Variants in CRTAC1 observed in about 807,000 individuals in gnomAD.
CRTAC1 encodes the protein cartilage acidic protein 1, also known as acidic secreted protein in cartilage.
Under a neutral mutation model 67.8 loss-of-function variants are expected in CRTAC1, and 37 were observed. That is an observed-to-expected ratio of 0.55 (90% CI 0.42 to 0.72). CRTAC1 has a LOEUF of 0.72. CRTAC1 is among the 30% of genes least tolerant of loss of function. The probability of loss-of-function intolerance (pLI) is 0.00; values close to 1 mark genes in which losing one functional copy is unlikely to be tolerated. For synonymous variants in CRTAC1, 348 were observed against 371.0 expected, an observed-to-expected ratio of 0.94 and a Z score of 0.71; for missense variants, 780 against 931.6, an observed-to-expected ratio of 0.84 and a Z score of 2.12.
At chr10:97,912,886 C>G (rs116837194) in intron 5 of CRTAC1, among the ~76,000 whole-genome samples, 114 of 152,306 alleles carry the variant, frequency 7.5e-4, no homozygotes, top group African/African-American at 2.7e-3. Context: ...AGGGTGGACA[C>G]AGGATAAGCA....
chr10:97,896,691 G>A (rs934702374), intron 9 of CRTAC1, among the ~76,000 whole-genome samples: 5 of 152,168 alleles, frequency 3.3e-5, no homozygotes, highest in East Asian at 1.9e-4. Flanking sequence ...GCCTGGGATT[G>A]GGGGAGTGGA....
Position 98,030,589 on chromosome 10 carries a change from C to G in CRTAC1, c.-117G>C, listed in dbSNP as rs1245368197. ...CCCCGGTCCCGGGCTGGCCTCGAGC[C>G]TCCCGCCCCGACGCCGCGCGCTCGC... On this transcript the variant is annotated 5_prime_UTR_variant, in exon 1 of 15. Coordinates refer to ENST00000370597, the MANE Select transcript of CRTAC1 (RefSeq NM_018058.7). The surrounding 1 kb of genome is among the most constrained non-coding windows in gnomAD (Gnocchi z 4.2). The G allele has an allele frequency of 1.6e-6, 1 of 633,778 alleles. No individual in the cohort carries two copies. Among genetic ancestry groups the G allele is most frequent in the Non-Finnish European group, 2.3e-6 (1 of 442,326 alleles). The allele number at this position is 633,778 out of a possible 1,614,324, so 39.3% of individuals were successfully genotyped here.
At chr10:97,892,258 T>C (rs1397707687) in intron 11 of CRTAC1, among the ~76,000 whole-genome samples, 2 of 152,180 alleles carry the variant, frequency 1.3e-5, no homozygotes, top group Non-Finnish European at 2.9e-5. Flanking sequence ...AATACACCTC[T>C]TAAAATAGCA....
chr10:97,900,761 AGCCCGTAG>A (rs1278427695), intron 8 of CRTAC1, among the ~76,000 whole-genome samples: 66 of 113,654 alleles, frequency 5.8e-4, no homozygotes, highest in Non-Finnish European at 7.9e-4. Context: ...TAGTGATTGG[AGCCCGTAG>A]CCCCTTTTCC....
intron 2 of CRTAC1, among the ~76,000 whole-genome samples, chr10:97,957,437 A>T (rs1333606288): frequency 6.6e-6 from 1 of 152,192 alleles, no homozygotes; most frequent in Non-Finnish European, 1.5e-5. Context: ...AGCCATGTGC[A>T]CTGTAGCTGA....
At position 97,931,289 on chromosome 10, in the gene CRTAC1, A is replaced by G. The variant is rs987397854; in HGVS notation, c.421+4881T>C. On this transcript the variant is annotated intron_variant, in intron 3 of 14. Transcript: ENST00000370597. ...TAGGAAGGACAATCTGGCAGTGGCT[A>G]TGAAAACTACACATGTATATTCATT... Among the ~76,000 whole-genome samples, 5 of 152,244 alleles carry G rather than the reference A, an allele frequency of 3.3e-5. No individual in the cohort carries two copies. In the South Asian group the frequency reaches 1.0e-3, roughly 32 times the overall value.
intron 2 of CRTAC1, among the ~76,000 whole-genome samples, chr10:97,956,981 A>T (rs1448055442): frequency 7.2e-6 from 1 of 139,846 alleles, no homozygotes; most frequent in African/African-American, 2.6e-5. Context: ...TAATACTTGT[A>T]TTTTTTTTTT....
At chr10:98,008,652 G>C (rs191027998) in intron 2 of CRTAC1, among the ~76,000 whole-genome samples, 42 of 152,296 alleles carry the variant, frequency 2.8e-4, no homozygotes, top group Admixed American at 2.0e-3. Context: ...CAGATGTCCA[G>C]GTCCCAGAAG....
chr10:98,002,019 T>G (rs1842697800), intron 2 of CRTAC1, among the ~76,000 whole-genome samples: 1 of 152,236 alleles, frequency 6.6e-6, no homozygotes, highest in Non-Finnish European at 1.5e-5. Context: ...AGGCCCGTGG[T>G]GCAAGGCCAG....
In CRTAC1 at chr10:98,029,475, A is replaced by T. The variant is rs929423927; in HGVS notation, c.24+974T>A. Reference sequence around the variant, plus strand: ...GATGTGCAGAAGCCACACTGGGTGCACCCACCAGCAGCAGCAGCGGCGGCG... The same window carrying T: ...GATGTGCAGAAGCCACACTGGGTGCTCCCACCAGCAGCAGCAGCGGCGGCG... On this transcript the variant is annotated intron_variant, in intron 1 of 14. Transcript: ENST00000370597. This position sits in a 1 kb window ranked among gnomAD's most constrained non-coding sequence, Gnocchi z 4.7. Among the ~76,000 whole-genome samples the T allele has an allele frequency of 1.6e-4, 23 of 140,234 alleles. No individual in the cohort carries two copies. The highest frequency in any genetic ancestry group is 3.4e-3 in the Middle Eastern group (1 of 294). The allele number at this position is 140,234 out of a possible 152,430, so 92.0% of individuals were successfully genotyped here.
intron 2 of CRTAC1, among the ~76,000 whole-genome samples, chr10:98,009,152 C>G (rs1423366015): frequency 1.3e-5 from 2 of 152,184 alleles, no homozygotes; most frequent in Admixed American, 1.3e-4. Flanking sequence ...ATATTCAGCT[C>G]TTTAGTTTTT....
intron 2 of CRTAC1, among the ~76,000 whole-genome samples, chr10:97,970,635 C>G (rs79242022): frequency 0.012 from 1,885 of 152,338 alleles, 44 homozygotes; most frequent in African/African-American, 0.041. Context: ...CTGACACTCA[C>G]TCCTGACACT....
chr10:97,895,476 G>A lies in CRTAC1; in HGVS notation c.1318-63C>T, dbSNP rs545731430. The stretch of plus-strand genomic sequence containing the variant: ...CAGCATGGTGGGTGGGAAGAGCAGG[G>A]AGCCAGGGAGGACGGGAGGGGGAGA... On this transcript the variant is annotated intron_variant, in intron 10 of 14. Coordinates refer to ENST00000370597, the MANE Select transcript of CRTAC1 (RefSeq NM_018058.7). The surrounding 1 kb of genome is among the most constrained non-coding windows in gnomAD (Gnocchi z 4.2). The A allele has an allele frequency of 5.5e-6, 8 of 1,452,360 alleles. No individual in the cohort carries two copies. Among genetic ancestry groups the A allele is most frequent in the Non-Finnish European group, 7.4e-6 (8 of 1,078,414 alleles). 90.0% of individuals were successfully genotyped at this position (1,452,360 alleles called of 1,614,324 possible).
At chr10:97,973,193 A>G (rs1161005003) in intron 2 of CRTAC1, among the ~76,000 whole-genome samples, 1 of 152,214 alleles carries the variant, frequency 6.6e-6, no homozygotes, top group Non-Finnish European at 1.5e-5. Flanking sequence ...AAAGTAAGTT[A>G]AAAATATCTC....
At chr10:97,985,855 A>G (rs2051972732) in intron 2 of CRTAC1, among the ~76,000 whole-genome samples, 1 of 152,176 alleles carries the variant, frequency 6.6e-6, no homozygotes, top group Admixed American at 6.5e-5. Context: ...CTGCACTGAA[A>G]TAAGAACTCA....
intron 7 of CRTAC1, among the ~76,000 whole-genome samples, chr10:97,903,414 C>T (rs568660709): frequency 6.6e-5 from 10 of 151,668 alleles, no homozygotes; most frequent in Admixed American, 2.0e-4. Context: ...AGGTGGAAAT[C>T]GTCCAAGATC....
chr10:97,936,227 T>C lies in CRTAC1; in HGVS notation c.364A>G (p.Ile122Val), dbSNP rs2051084848. 1 of 1,613,934 alleles carries C rather than the reference T, an allele frequency of 6.2e-7. No individual in the cohort carries two copies. The highest frequency in any genetic ancestry group is 8.5e-7 in the Non-Finnish European group (1 of 1,179,944). Reference protein sequence around the residue: ...GNAIGVTACDIDGDGREEIYF... With the variant: ...GNAIGVTACDVDGDGREEIYF... Reference sequence around the variant, plus strand: ...ATCTCCTCCCGGCCGTCCCCGTCGATGTCGCAGGCTGTGACCCCGATGGCG... The same window carrying C: ...ATCTCCTCCCGGCCGTCCCCGTCGACGTCGCAGGCTGTGACCCCGATGGCG... The change falls in exon 3 of 15, where the codon ATC (isoleucine) becomes GTC (valine). Residue 122 changes from isoleucine to valine, a missense_variant. Coordinates refer to ENST00000370597, the MANE Select transcript of CRTAC1 (RefSeq NM_018058.7).
chr10:97,896,247 G>T (rs972110836), intron 9 of CRTAC1, among the ~76,000 whole-genome samples: 1 of 152,086 alleles, frequency 6.6e-6, no homozygotes, highest in African/African-American at 2.4e-5. Context: ...AGACCACATG[G>T]TCTTCTTTCT....
intron 2 of CRTAC1, among the ~76,000 whole-genome samples, chr10:97,974,746 A>G (rs982364752): frequency 1.3e-5 from 2 of 152,222 alleles, no homozygotes; most frequent in African/African-American, 4.8e-5. Context: ...TCAGGGAGCC[A>G]GGACAGGCTC....
Sources: allele counts gnomAD v4.1 joint callset (sites outside exome capture counted in the v4.1 genomes callset), GRCh38; gene constraint gnomAD v4.1.1; non-coding constraint Gnocchi (gnomAD v3.1); transcripts MANE v1.5; gene names NCBI Gene and HGNC (gene_info 2026-07-23, HGNC 2026-07-21).